Variants in SHOC2 observed in about 807,000 individuals in gnomAD.
The protein encoded by SHOC2 is SHOC2 leucine rich repeat scaffold protein, also known as leucine-rich repeat protein SHOC-2.
In SHOC2, 4 loss-of-function variants were observed where a neutral mutation model predicts 50.2. The observed-to-expected ratio is 0.08, with a 90% confidence interval of 0.04 to 0.18. The LOEUF (loss-of-function observed/expected upper bound fraction) is 0.18, where lower values mean the gene tolerates loss of function less well. SHOC2 is among the 10% of genes least tolerant of loss of function. The probability of loss-of-function intolerance (pLI) is 1.00; values close to 1 mark genes in which losing one functional copy is unlikely to be tolerated. For synonymous variants in SHOC2, 218 were observed against 244.5 expected (o/e 0.89, Z 1.01); for missense variants, 388 against 669.6 (o/e 0.58, Z 4.64).
In SHOC2 at chr10:110,952,791, T is replaced by A. The variant is rs139803404; in HGVS notation, c.-234-11334T>A. 4.7e-3 allele frequency among the ~76,000 whole-genome samples: 712 copies of A among 152,290 alleles called. 5 individuals carry two copies. The highest frequency in any genetic ancestry group is 0.016 in the African/African-American group (676 of 41,554). ...TGGGTTCTCATTGTTCAATTCCCAC[T>A]TATGAGTGAGAACATGCAATGTTTG... On this transcript the variant is annotated intron_variant, in intron 1 of 8. Coordinates refer to ENST00000369452, the MANE Select transcript of SHOC2 (RefSeq NM_007373.4).
At chr10:110,968,533 TATAA>T (rs1342970537) in intron 2 of SHOC2, among the ~76,000 whole-genome samples, 3 of 151,218 alleles carry the variant, frequency 2.0e-5, no homozygotes, top group Admixed American at 1.3e-4. Context: ...CTACATTATT[TATAA>T]ATATATATTA....
chr10:110,954,066 C>T (rs1239752242), intron 1 of SHOC2, among the ~76,000 whole-genome samples: 1 of 151,286 alleles, frequency 6.6e-6, no homozygotes, highest in Non-Finnish European at 1.5e-5. Context: ...GGAAAAGCTA[C>T]TGTTTGCCTC....
intron 2 of SHOC2, among the ~76,000 whole-genome samples, chr10:110,966,067 C>G (rs1847669071): frequency 1.3e-5 from 2 of 151,902 alleles, no homozygotes; most frequent in Non-Finnish European, 2.9e-5. Flanking sequence ...GATAAACTTT[C>G]TGATTTTTAG....
At chr10:110,920,376 C>A (rs1164233555) in intron 1 of SHOC2, among the ~76,000 whole-genome samples, 1 of 152,156 alleles carries the variant, frequency 6.6e-6, no homozygotes, top group East Asian at 1.9e-4. Context: ...CCCGACTTCC[C>A]CAGGCTCATA....
Position 111,006,666 on chromosome 10 carries a change from G to A in SHOC2, c.1162-865G>A, listed in dbSNP as rs951905766. On this transcript the variant is annotated intron_variant, in intron 5 of 8. Coordinates refer to ENST00000369452, the MANE Select transcript of SHOC2 (RefSeq NM_007373.4). The stretch of plus-strand genomic sequence containing the variant: ...ATTACAGGCGTGAGCCACCACGCCC[G>A]GCCGCAAATTTTAAAGATACAGATT... Among the ~76,000 whole-genome samples, 76 of 152,152 alleles carry A rather than the reference G, an allele frequency of 5.0e-4. 1 individual carries two copies. The highest frequency in any genetic ancestry group is 5.9e-5 in the Non-Finnish European group (4 of 68,036).
chr10:110,973,287 A>G (rs1032159979), intron 2 of SHOC2, among the ~76,000 whole-genome samples: 1 of 152,216 alleles, frequency 6.6e-6, no homozygotes, highest in Non-Finnish European at 1.5e-5. Flanking sequence ...ATTTTAGAAT[A>G]TAAGAATCCT....
At chr10:111,001,734 A>G (rs1256650560) in intron 4 of SHOC2, among the ~76,000 whole-genome samples, 3 of 152,212 alleles carry the variant, frequency 2.0e-5, no homozygotes, top group Non-Finnish European at 2.9e-5. Flanking sequence ...CAAATTAAGA[A>G]CAAGGGTTCT....
chr10:110,938,878 G>C (rs544438951), intron 1 of SHOC2, among the ~76,000 whole-genome samples: 1 of 152,272 alleles, frequency 6.6e-6, no homozygotes, highest in African/African-American at 2.4e-5. Flanking sequence ...GATAATTGCT[G>C]TCCCAGGATG....
chr10:110,948,346 C>T (rs1847287574), intron 1 of SHOC2, among the ~76,000 whole-genome samples: 1 of 152,066 alleles, frequency 6.6e-6, no homozygotes, highest in Admixed American at 6.5e-5. Context: ...GACAGAAAAT[C>T]AATAAAGAAA....
chr10:110,994,934 T>G (rs918324393), intron 3 of SHOC2, among the ~76,000 whole-genome samples: 1 of 152,172 alleles, frequency 6.6e-6, no homozygotes, highest in East Asian at 1.9e-4. Flanking sequence ...CTGCAAATAT[T>G]TGTAGAATGA....
chr10:110,962,830 A>G (rs140544637), intron 1 of SHOC2, among the ~76,000 whole-genome samples: 95 of 152,246 alleles, frequency 6.2e-4, no homozygotes, highest in African/African-American at 2.2e-3. Flanking sequence ...GCTTTTCTCA[A>G]CCATTCTCAC....
At chr10:110,983,279 A>G (rs1398847564) in intron 2 of SHOC2, among the ~76,000 whole-genome samples, 2 of 152,016 alleles carry the variant, frequency 1.3e-5, no homozygotes, top group Non-Finnish European at 2.9e-5. Context: ...CCAAAAAACT[A>G]TCTTATATTT....
At chr10:110,965,675 A>G (rs1157006436) in intron 2 of SHOC2, among the ~76,000 whole-genome samples, 4 of 152,176 alleles carry the variant, frequency 2.6e-5, no homozygotes, top group Non-Finnish European at 5.9e-5. Flanking sequence ...CATTTTGCTA[A>G]TTTTCATTCC....
At chr10:110,981,876 T>TTATTTTTTTATTATACTC (rs60310332) in intron 2 of SHOC2, among the ~76,000 whole-genome samples, 2 of 135,412 alleles carry the variant, frequency 1.5e-5, no homozygotes, top group Non-Finnish European at 1.6e-5. Context: ...ATTTATTTTT[T>TTATTTTTTTATTATACTC]TAAGTTTTAG....
intron 1 of SHOC2, among the ~76,000 whole-genome samples, chr10:110,925,302 C>T (rs910767889): frequency 2.0e-5 from 3 of 152,004 alleles, no homozygotes; most frequent in East Asian, 3.8e-4. Flanking sequence ...GTATGGTCAA[C>T]AGTTATACCC....
intron 2 of SHOC2, among the ~76,000 whole-genome samples, chr10:110,975,438 G>A (rs181992775): frequency 1.9e-4 from 29 of 152,038 alleles, no homozygotes; most frequent in Non-Finnish European, 3.4e-4. Flanking sequence ...CACTGCGCCC[G>A]GCCTATGTTA....
At chr10:110,957,656 T>C (rs910021718) in intron 1 of SHOC2, among the ~76,000 whole-genome samples, 1 of 151,726 alleles carries the variant, frequency 6.6e-6, no homozygotes, top group Non-Finnish European at 1.5e-5. Context: ...CAGCCCAAAC[T>C]GTACTGTCTG....
intron 1 of SHOC2, among the ~76,000 whole-genome samples, chr10:110,953,744 AT>A (rs1847403210): frequency 6.6e-6 from 1 of 151,758 alleles, no homozygotes; most frequent in South Asian, 2.1e-4. Context: ...ATATATATAT[AT>A]ATTTTGATAG....
At chr10:110,935,580 G>C (rs1846990354) in intron 1 of SHOC2, among the ~76,000 whole-genome samples, 1 of 151,998 alleles carries the variant, frequency 6.6e-6, no homozygotes, top group Admixed American at 6.6e-5. Flanking sequence ...TTCAAATTTG[G>C]GAGTTAGGGG....
Sources: gnomAD v4.1 joint callset for allele counts (sites outside exome capture counted in the v4.1 genomes callset) on GRCh38, gnomAD v4.1.1 for gene constraint, MANE v1.5 for transcripts, NCBI Gene and HGNC (gene_info 2026-07-23, HGNC 2026-07-21) for gene names.